The following RC3H1 variants were observed in gnomAD, a reference collection of about 807,000 sequenced individuals.
RC3H1 encodes ring finger and CCCH-type domains 1.
A neutral mutation model predicts 138.2 loss-of-function variants in RC3H1; 50 were observed. The observed-to-expected ratio is 0.36, with a 90% CI of 0.29 to 0.46. The LOEUF is 0.46. Ranked by LOEUF, RC3H1 falls within the 20% of genes least tolerant of loss-of-function variation. The probability of loss-of-function intolerance (pLI) is 1.00; values close to 1 mark genes in which losing one functional copy is unlikely to be tolerated. For synonymous variants in RC3H1, 462 were observed against 489.1 expected (o/e 0.94, Z 0.73); for missense variants, 1,031 against 1,388.1 (o/e 0.74, Z 4.09).
rs746389154 is a variant in RC3H1, at chr1:173,964,045, G to T, written c.1759C>A (p.Gln587Lys). The T allele has an allele frequency of 1.2e-6, 2 of 1,614,146 alleles. No individual in the cohort carries two copies. Among genetic ancestry groups the T allele is most frequent in the Non-Finnish European group, 8.5e-7 (1 of 1,180,022 alleles). The part of the protein sequence containing the change: ...VPRGSQLYPA[Q>K]QTDVYYQDPR... ...TCCTGATAATAAACATCCGTCTGTT[G>T]TGCTGGATATAACTGAGAACCTCGA... Residue 587 changes from glutamine to lysine, a missense_variant, in exon 11 of 20, where the codon CAA becomes AAA. This residue lies in a region of RC3H1 where 716 missense variants were observed against 837.9 expected (regional missense o/e 0.85). Coordinates refer to ENST00000367696, the MANE Select transcript of RC3H1 (RefSeq NM_172071.4).
At chr1:174,007,575 C>T (rs1661678064) in intron 1 of RC3H1, among the ~76,000 whole-genome samples, 1 of 151,974 alleles carries the variant, frequency 6.6e-6, no homozygotes, top group Non-Finnish European at 1.5e-5. Context: ...ACGACCCTCC[C>T]ACCTCAGCCT....
At chr1:173,945,104 C>T (rs552757748) in intron 17 of RC3H1, among the ~76,000 whole-genome samples, 156 of 150,546 alleles carry the variant, frequency 1.0e-3, no homozygotes, top group Non-Finnish European at 2.0e-3. Context: ...TTATGTGGCA[C>T]TTAAAAGATT....
chr1:174,003,581 G>C (rs1249659356), intron 1 of RC3H1, among the ~76,000 whole-genome samples: 1 of 151,904 alleles, frequency 6.6e-6, no homozygotes, highest in African/African-American at 2.4e-5. Context: ...TTTCTTAACT[G>C]GTATCCCTGG....
In RC3H1 at chr1:174,012,641, G is replaced by C. The variant is rs527539807; in HGVS notation, c.-151+9455C>G. Among the ~76,000 whole-genome samples, 3 of 151,872 alleles carry C rather than the reference G, an allele frequency of 2.0e-5. No homozygotes were observed. In the East Asian group the frequency reaches 5.8e-4, roughly 29 times the overall value. ...TACTAAAACTACAAAAAAATTAGCC[G>C]GGTGTGGTGGCGGGCGCCTGTAGTC... is the stretch of plus-strand genomic sequence containing the variant. On this transcript the variant is annotated intron_variant, in intron 1 of 19. Coordinates refer to ENST00000367696, the MANE Select transcript of RC3H1 (RefSeq NM_172071.4).
rs1418163218 is a variant in RC3H1 at position 173,936,967 on chromosome 1, A to T, written c.*1754T>A. 1.4e-5 allele frequency: 2 copies of T among 147,054 alleles called. No homozygotes were observed. Among genetic ancestry groups the T allele is most frequent in the East Asian group, 3.9e-4 (2 of 5,148 alleles). 9.1% of individuals were successfully genotyped at this position (147,054 alleles called of 1,614,324 possible). ...TATGTATATATATAATATATATATA[A>T]ATTTTTATTTAAATAAAAAAGAAAG... On this transcript the variant is annotated 3_prime_UTR_variant, in exon 20 of 20. Transcript: ENST00000367696.
chr1:173,958,210 G>GT (rs1286493378), intron 13 of RC3H1, among the ~76,000 whole-genome samples: 3 of 152,182 alleles, frequency 2.0e-5, no homozygotes, highest in African/African-American at 7.2e-5. Flanking sequence ...AGCTAAAGCA[G>GT]TATGTACAAT....
In RC3H1 at chr1:173,938,418, C is replaced by A; in HGVS notation, c.*303G>T. 1 of 195,822 alleles carries A rather than the reference C, an allele frequency of 5.1e-6. No homozygotes were observed. The highest frequency in any genetic ancestry group is 1.0e-5 in the Non-Finnish European group (1 of 97,562). 12.1% of individuals were successfully genotyped at this position (195,822 alleles called of 1,614,324 possible). A position where few individuals can be genotyped will look rare whatever the true frequency, so the allele number is the denominator to read the frequency against. ...TATATAATATCTTTTTTTTTTAAAG[C>A]CCTGGATCCAAGGCGTCCAAAGTTA... On this transcript the variant is annotated 3_prime_UTR_variant, in exon 20 of 20. Coordinates refer to ENST00000367696, the MANE Select transcript of RC3H1 (RefSeq NM_172071.4).
Position 173,973,528 on chromosome 1 carries a change from C to T in RC3H1, c.1103-901G>A, listed in dbSNP as rs116677964. ...TCCATCCTGGTGACAGAGAGAAACT[C>T]CATCTCAAAAAAAAAAAAAAAAAGT... On this transcript the variant is annotated intron_variant, in intron 7 of 19. Coordinates refer to ENST00000367696, the MANE Select transcript of RC3H1 (RefSeq NM_172071.4). Among the ~76,000 whole-genome samples the T allele has an allele frequency of 4.5e-3, 642 of 142,864 alleles. 6 individuals carry two copies. Among genetic ancestry groups the T allele is most frequent in the African/African-American group, 0.017 (601 of 35,914 alleles). 93.7% of individuals were successfully genotyped at this position (142,864 alleles called of 152,430 possible). A position where few individuals can be genotyped will look rare whatever the true frequency, so the allele number is the denominator to read the frequency against.
intron 1 of RC3H1, among the ~76,000 whole-genome samples, chr1:174,012,107 G>T (rs1661780579): frequency 6.9e-6 from 1 of 144,068 alleles, no homozygotes; most frequent in South Asian, 2.1e-4. Context: ...GCTACCAGGT[G>T]GGGATGAGGT....
intron 14 of RC3H1, among the ~76,000 whole-genome samples, chr1:173,948,597 T>C (rs1268631620): frequency 6.6e-6 from 1 of 152,144 alleles, no homozygotes; most frequent in African/African-American, 2.4e-5. Context: ...CTAGATTGGA[T>C]TGCAACTTTT....
chr1:173,955,992 A>G (rs1659628047), intron 13 of RC3H1, among the ~76,000 whole-genome samples: 1 of 151,870 alleles, frequency 6.6e-6, no homozygotes, highest in East Asian at 1.9e-4. Context: ...TTAGCCTGGC[A>G]TGGTGGTGCA....
intron 2 of RC3H1, among the ~76,000 whole-genome samples, chr1:173,989,534 C>T (rs999791365): frequency 2.0e-5 from 3 of 151,632 alleles, no homozygotes; most frequent in African/African-American, 7.3e-5. Flanking sequence ...TGATGTTCAA[C>T]TTATCTTTTT....
At position 173,961,872 on chromosome 1, in the gene RC3H1, C is replaced by G; in HGVS notation, c.2055G>C (p.Glu685Asp). 6.2e-7 allele frequency: 1 copy of G among 1,614,086 alleles called. No individual in the cohort carries two copies. The highest frequency in any genetic ancestry group is 8.5e-7 in the Non-Finnish European group (1 of 1,180,030). Residue 685 changes from glutamate (E) to aspartate (D), a missense_variant, in exon 12 of 20, where the codon GAG (glutamate) becomes GAC (aspartate). Glu to Asp is a conservative substitution (Grantham distance 45, BLOSUM62 2). Coordinates refer to ENST00000367696, the MANE Select transcript of RC3H1 (RefSeq NM_172071.4). ...TGGGTATAGGGCTTTCTCGGAATAT[C>G]TCTTCTCTTGTGTAAGACGGAGCAG... ...VYPAPSYTRE[E>D]IFRESPIPIE...
intron 13 of RC3H1, 121 bp from the exon 14 acceptor site, chr1:173,952,259 C>G (rs1478704363): frequency 1.8e-6 from 1 of 557,072 alleles, no homozygotes; most frequent in Non-Finnish European, 2.8e-6. Context: ...CGTGCTGAAG[C>G]AACATAATGA....
chr1:173,963,378 C>CT (rs1357560599), intron 11 of RC3H1, among the ~76,000 whole-genome samples: 1 of 152,106 alleles, frequency 6.6e-6, no homozygotes, highest in Non-Finnish European at 1.5e-5. Flanking sequence ...CAGTCAATCT[C>CT]TATCAAGCTA....
chr1:173,981,068 G>A (rs1660793919), intron 5 of RC3H1, 59 bp from the exon 6 acceptor site: 5 of 1,393,908 alleles, frequency 3.6e-6, no homozygotes, highest in Non-Finnish European at 4.0e-6. Flanking sequence ...TGCTTTATAT[G>A]AACATATAAT....
chr1:173,965,539 C>T (rs1004290396), intron 9 of RC3H1, among the ~76,000 whole-genome samples: 1 of 151,382 alleles, frequency 6.6e-6, no homozygotes, highest in Non-Finnish European at 1.5e-5. Flanking sequence ...TGCAGTGAGC[C>T]GAGATCACAC....
At chr1:173,996,521 C>A (rs1661463450) in intron 1 of RC3H1, among the ~76,000 whole-genome samples, 1 of 150,920 alleles carries the variant, frequency 6.6e-6, no homozygotes, top group African/African-American at 2.5e-5. Context: ...TTTGCCTAAA[C>A]CCTGTGTAGA....
intron 14 of RC3H1, among the ~76,000 whole-genome samples, chr1:173,949,397 C>T (rs1353961936): frequency 2.7e-5 from 4 of 150,068 alleles, no homozygotes; most frequent in Non-Finnish European, 5.9e-5. Flanking sequence ...GAGATGGAGT[C>T]TCACTCTGTT....
Sources: allele counts gnomAD v4.1 joint callset (sites outside exome capture counted in the v4.1 genomes callset), GRCh38; gene constraint gnomAD v4.1.1; regional missense constraint gnomAD v4.1.1; transcripts MANE v1.5; gene names NCBI Gene and HGNC (gene_info 2026-07-23, HGNC 2026-07-21).